The following PCNX1 variants were observed in gnomAD, a reference collection of about 807,000 sequenced individuals.
The protein encoded by PCNX1 is pecanex-like protein 1.
A neutral mutation model predicts 242.2 loss-of-function variants in PCNX1; 78 were observed. That is an observed-to-expected ratio of 0.32 (90% CI 0.27 to 0.39). The LOEUF is 0.39. Among genes scored for constraint, PCNX1 ranks in the 10% least tolerant of loss-of-function variants. PCNX1 has a pLI of 1.00. For synonymous variants in PCNX1, 1,024 were observed against 1,032.9 expected, an observed-to-expected ratio of 0.99 and a Z score of 0.17; for missense variants, 2,581 against 2,856.5, an observed-to-expected ratio of 0.90 and a Z score of 2.20.
chr14:71,103,816 A>C, intron 32 of PCNX1, 147 bp downstream of exon 32: 1 of 645,678 alleles, frequency 1.5e-6, no homozygotes, highest in South Asian at 2.2e-5. Flanking sequence ...CAAGAAGTAG[A>C]ATCTGAGCAT....
chr14:71,032,617 A>G (rs1455108732), intron 16 of PCNX1, among the ~76,000 whole-genome samples: 3 of 152,210 alleles, frequency 2.0e-5, no homozygotes, highest in Non-Finnish European at 4.4e-5. Context: ...GAAAAAAGGC[A>G]AGTTGTATTA....
intron 1 of PCNX1, among the ~76,000 whole-genome samples, chr14:70,938,780 G>A (rs1594951879): frequency 6.6e-6 from 1 of 152,130 alleles, no homozygotes; most frequent in East Asian, 1.9e-4. Flanking sequence ...TGGTTGGTAG[G>A]CTATTAATTA....
chr14:70,980,929 T>G (rs924508831), intron 6 of PCNX1, among the ~76,000 whole-genome samples: 6 of 152,180 alleles, frequency 3.9e-5, no homozygotes, highest in African/African-American at 1.4e-4. Flanking sequence ...CAACGATTTC[T>G]TTTCATTTTA....
At chr14:71,058,014 G>C (rs1198345574) in intron 26 of PCNX1, among the ~76,000 whole-genome samples, 1 of 152,136 alleles carries the variant, frequency 6.6e-6, no homozygotes, top group Non-Finnish European at 1.5e-5. Flanking sequence ...TCTCTTGCTG[G>C]TCCCTTTTGT....
chr14:71,048,313 G>C (rs2060923188), intron 22 of PCNX1, among the ~76,000 whole-genome samples: 1 of 152,062 alleles, frequency 6.6e-6, no homozygotes, highest in African/African-American at 2.4e-5. Flanking sequence ...TAATTGAATT[G>C]GGCTCTGGCA....
At chr14:71,028,114 T>C (rs1017855592) in intron 15 of PCNX1, among the ~76,000 whole-genome samples, 3 of 152,016 alleles carry the variant, frequency 2.0e-5, no homozygotes, top group Admixed American at 6.5e-5. Context: ...ATAACTCCCA[T>C]TGGAGTATTA....
chr14:71,004,945 T>A (rs1463218588), intron 8 of PCNX1, among the ~76,000 whole-genome samples: 2 of 152,140 alleles, frequency 1.3e-5, no homozygotes, highest in Admixed American at 6.6e-5. Context: ...TCTCTCTTTG[T>A]TTTTATAGCC....
At chr14:71,085,820 G>A in intron 28 of PCNX1, 1 of 362,314 alleles carries the variant, frequency 2.8e-6, no homozygotes, top group Non-Finnish European at 5.6e-6. Flanking sequence ...ACAGGTGCCT[G>A]GTTCTCTGTT....
At position 71,063,112 on chromosome 14, in the gene PCNX1, C is replaced by T. The variant is rs1595409374; in HGVS notation, c.4852+5388C>T. Among the ~76,000 whole-genome samples the T allele has an allele frequency of 3.9e-5, 6 of 152,148 alleles. No homozygotes were observed. In the South Asian group the frequency reaches 1.2e-3, roughly 31 times the overall value. On this transcript the variant is annotated intron_variant, in intron 26 of 35. Transcript: ENST00000304743. ...CAGCGCATGTCACAGAATGTATCCC[C>T]ATAGTTATGCAACATGTGACTGTTT...
chr14:70,964,451 CT>C (rs961269024), intron 3 of PCNX1, among the ~76,000 whole-genome samples: 4 of 151,892 alleles, frequency 2.6e-5, no homozygotes, highest in African/African-American at 9.7e-5. Flanking sequence ...TTTTGTTGGC[CT>C]TGTGTTTCTC....
In PCNX1 at chr14:71,021,227, T is replaced by C. The variant is rs139244155; in HGVS notation, c.3151-1973T>C. 9.0e-3 allele frequency among the ~76,000 whole-genome samples: 1,368 copies of C among 152,266 alleles called. 10 individuals are homozygous for C. Among genetic ancestry groups the C allele is most frequent in the Non-Finnish European group, 0.012 (843 of 68,024 alleles). ...CCAGCTTTATTTTTTTTGCTTAGGA[T>C]TGTCTTGGCTATGTGGGCTCTTTTT... On this transcript the variant is annotated intron_variant, in intron 12 of 35. Transcript: ENST00000304743.
intron 8 of PCNX1, among the ~76,000 whole-genome samples, chr14:71,002,906 T>C (rs1412898308): frequency 6.6e-6 from 1 of 152,154 alleles, no homozygotes; most frequent in African/African-American, 2.4e-5. Context: ...TTTAGAATTG[T>C]AGACATAATG....
intron 6 of PCNX1, among the ~76,000 whole-genome samples, chr14:70,988,308 T>A (rs2059057639): frequency 6.6e-6 from 1 of 152,018 alleles, no homozygotes; most frequent in Admixed American, 6.5e-5. Context: ...AAATAGGAAA[T>A]TGAGGTTGAA....
rs764407748 is a variant in PCNX1, at chr14:70,969,078, C to G, written c.572C>G (p.Ser191Cys). ...ATCAGTTTAAGTCTGGGCCAAAGTT[C>G]TAGTCTTTGTAAGGAAGGAAGTGAA... ...DDISLSLGQS[S>C]SLCKEGSEEQ... Residue 191 changes from serine to cysteine, a missense_variant, in exon 5 of 36, where the codon TCT becomes TGT. This residue lies in a region of PCNX1 where 1,204 missense variants were observed against 1,216.7 expected (regional missense o/e 0.99). Transcript: ENST00000304743. 29 of 1,609,390 alleles carry G rather than the reference C, an allele frequency of 1.8e-5. No homozygotes were observed. Among genetic ancestry groups the G allele is most frequent in the African/African-American group, 2.7e-5 (2 of 74,776 alleles).
chr14:71,031,010 A>G (rs945651608), intron 16 of PCNX1, among the ~76,000 whole-genome samples: 1 of 152,168 alleles, frequency 6.6e-6, no homozygotes, highest in African/African-American at 2.4e-5. Context: ...AAGGTTGTTA[A>G]TTTAAACTTT....
At chr14:70,972,407 A>G (rs1292017682) in intron 5 of PCNX1, among the ~76,000 whole-genome samples, 1 of 152,200 alleles carries the variant, frequency 6.6e-6, no homozygotes, top group Non-Finnish European at 1.5e-5. Flanking sequence ...TCAGTGGATA[A>G]ATAAAAACAA....
intron 22 of PCNX1, 90 bp from the exon 23 acceptor site, chr14:71,050,562 C>A: frequency 8.2e-7 from 1 of 1,216,560 alleles, no homozygotes; most frequent in East Asian, 2.5e-5. Context: ...AGAACTTCTC[C>A]TAATACATTT....
At chr14:70,949,393 G>GTA (rs2057681471) in intron 2 of PCNX1, among the ~76,000 whole-genome samples, 1 of 81,784 alleles carries the variant, frequency 1.2e-5, no homozygotes, top group African/African-American at 4.3e-5. Context: ...ATATACATAT[G>GTA]TGTGTGTGTG....
rs76001971 is a variant in PCNX1 at position 70,967,487 on chromosome 14, A to G, written c.469-711A>G. 3.2e-3 allele frequency among the ~76,000 whole-genome samples: 493 copies of G among 152,246 alleles called. 4 individuals carry two copies. Among genetic ancestry groups the G allele is most frequent in the African/African-American group, 0.012 (488 of 41,536 alleles). On this transcript the variant is annotated intron_variant, in intron 3 of 35. Transcript: ENST00000304743. ...TTTGTGGAATTTGTGGTATTTATTT[A>G]TATGATTTTCATGGTAGTATAATAA...
Sources: allele counts gnomAD v4.1 joint callset (sites outside exome capture counted in the v4.1 genomes callset), GRCh38; gene constraint gnomAD v4.1.1; regional missense constraint gnomAD v4.1.1; transcripts MANE v1.5; gene names NCBI Gene and HGNC (gene_info 2026-07-23, HGNC 2026-07-21).